The following SLC44A5 variants were observed in gnomAD, a reference collection of about 807,000 sequenced individuals.
SLC44A5 encodes the protein choline transporter-like protein 5.
SLC44A5 carries 57 observed loss-of-function variants against 101.8 expected under a neutral mutation model. That is an observed-to-expected ratio of 0.56 (90% CI 0.45 to 0.70). The LOEUF (loss-of-function observed/expected upper bound fraction) is 0.70, where lower values mean the gene tolerates loss of function less well. SLC44A5 is among the 30% of genes least tolerant of loss of function. The pLI is 0.00. For synonymous variants in SLC44A5, 281 were observed against 290.9 expected (o/e 0.97, Z 0.35); for missense variants, 737 against 853.1 (o/e 0.86, Z 1.70).
intron 2 of SLC44A5, among the ~76,000 whole-genome samples, chr1:75,497,746 T>C (rs950159654): frequency 2.6e-5 from 4 of 152,110 alleles, no homozygotes; most frequent in African/African-American, 9.7e-5. Flanking sequence ...AACAATACAT[T>C]GTGTACCTTA....
intron 13 of SLC44A5, 144 bp downstream of exon 13, chr1:75,227,582 G>A: frequency 1.8e-6 from 1 of 549,070 alleles, no homozygotes; most frequent in Non-Finnish European, 2.9e-6. Flanking sequence ...ACTTACTGTA[G>A]TTAGAGGATT....
chr1:75,625,117 C>G, the SLC44A5 span, among the ~76,000 whole-genome samples: 9 of 152,122 alleles, frequency 5.9e-5, no homozygotes, highest in Admixed American at 5.9e-4. Context: ...ACTTACTTGT[C>G]TCCCACACAC....
intron 7 of SLC44A5, among the ~76,000 whole-genome samples, chr1:75,243,287 C>T (rs2100611153): frequency 6.6e-6 from 1 of 152,062 alleles, no homozygotes; most frequent in African/African-American, 2.4e-5. Context: ...CAGGCAAACA[C>T]CACCATGCCC....
chr1:75,250,193 C>T (rs76185041), intron 7 of SLC44A5, among the ~76,000 whole-genome samples: 12,645 of 152,052 alleles, frequency 0.083, 685 homozygotes, highest in Middle Eastern at 0.15. Context: ...TGTTGTTCCC[C>T]TCTTTGTGTC....
chr1:75,689,646 T>G, the SLC44A5 span, among the ~76,000 whole-genome samples: 6 of 152,194 alleles, frequency 3.9e-5, no homozygotes, highest in Admixed American at 3.3e-4. Context: ...TGTTCTTATA[T>G]TAACATTTCA....
intron 2 of SLC44A5, among the ~76,000 whole-genome samples, chr1:75,409,964 T>G (rs1409491689): frequency 6.6e-6 from 1 of 152,158 alleles, no homozygotes; most frequent in East Asian, 1.9e-4. Context: ...AGCATACATT[T>G]TCCAGGATTC....
At chr1:75,408,047 G>T (rs1355965208) in intron 2 of SLC44A5, among the ~76,000 whole-genome samples, 2 of 152,172 alleles carry the variant, frequency 1.3e-5, no homozygotes, top group Non-Finnish European at 2.9e-5. Context: ...CAAAAAGTGG[G>T]TGAAGGATAT....
chr1:75,562,822 G>A (rs1302779678), intron 1 of SLC44A5, among the ~76,000 whole-genome samples: 1 of 151,992 alleles, frequency 6.6e-6, no homozygotes, highest in Non-Finnish European at 1.5e-5. Flanking sequence ...TTTCTTAGTG[G>A]TCTATTATTT....
At chr1:75,562,593 G>C (rs1293189608) in intron 1 of SLC44A5, among the ~76,000 whole-genome samples, 3 of 152,074 alleles carry the variant, frequency 2.0e-5, no homozygotes, top group African/African-American at 4.8e-5. Context: ...AGCTACTCGG[G>C]GGGAGGATTG....
At chr1:75,594,961 T>C (rs1674554067) in intron 1 of SLC44A5, among the ~76,000 whole-genome samples, 2 of 152,040 alleles carry the variant, frequency 1.3e-5, no homozygotes, top group Non-Finnish European at 2.9e-5. Context: ...AAACAAATTA[T>C]AAATTCATTT....
the SLC44A5 span, among the ~76,000 whole-genome samples, chr1:75,616,252 C>G: frequency 2.6e-5 from 4 of 152,078 alleles, no homozygotes; most frequent in African/African-American, 9.7e-5. Flanking sequence ...CCCCCACGCC[C>G]CCACCCCCGG....
Position 75,477,707 on chromosome 1 carries a change from G to A in SLC44A5, c.13+63728C>T, listed in dbSNP as rs547609278. On this transcript the variant is annotated intron_variant, in intron 2 of 23. Transcript: ENST00000370859. The stretch of plus-strand genomic sequence containing the variant: ...CGAGAAGGGAAGTTTAGAGAAAAGA[G>A]AATAAAAAGAAACGAACAAAGCCTC... Among the ~76,000 whole-genome samples, 4 of 152,226 alleles carry A rather than the reference G, an allele frequency of 2.6e-5. No individual in the cohort carries two copies. The South Asian group carries it at 8.3e-4, about 32-fold the overall frequency.
the SLC44A5 span, among the ~76,000 whole-genome samples, chr1:75,701,536 C>T: frequency 6.6e-5 from 10 of 152,084 alleles, no homozygotes; most frequent in South Asian, 2.1e-4. Context: ...TATGACAAAC[C>T]CACAGCCAAT....
intron 1 of SLC44A5, among the ~76,000 whole-genome samples, chr1:75,609,831 A>T (rs1486020424): frequency 6.6e-6 from 1 of 152,096 alleles, no homozygotes; most frequent in Non-Finnish European, 1.5e-5. Context: ...TCATGATCTA[A>T]TGTTATGTAA....
Position 75,487,149 on chromosome 1 carries a change from C to T in SLC44A5, c.13+54286G>A, listed in dbSNP as rs180780883. 2.4e-4 allele frequency among the ~76,000 whole-genome samples: 37 copies of T among 152,144 alleles called. No individual in the cohort carries two copies. The East Asian group carries it at 7.0e-3, about 29-fold the overall frequency. On this transcript the variant is annotated intron_variant, in intron 2 of 23. Coordinates refer to ENST00000370859, the MANE Select transcript of SLC44A5 (RefSeq NM_001130058.2). ...TAGTATCTATTATGTGTCCTTGCTC[C>T]TATGGAGTTTTCAGTCTCTGAGAGA...
intron 6 of SLC44A5, among the ~76,000 whole-genome samples, chr1:75,251,780 T>C (rs1223177693): frequency 6.6e-6 from 1 of 152,216 alleles, no homozygotes; most frequent in Non-Finnish European, 1.5e-5. Context: ...TATACATTAC[T>C]TTGGTAATCT....
the SLC44A5 span, among the ~76,000 whole-genome samples, chr1:75,647,307 C>T: frequency 2.6e-5 from 4 of 152,308 alleles, no homozygotes; most frequent in South Asian, 8.3e-4. Context: ...GGAACCTCCA[C>T]CTAAATTTCA....
chr1:75,378,857 C>T (rs374871063), intron 3 of SLC44A5, among the ~76,000 whole-genome samples: 3,255 of 61,448 alleles, frequency 0.053, 122 homozygotes, highest in South Asian at 0.1. Context: ...ACTTCAGTAT[C>T]GGCCACCCCC....
At chr1:75,262,913 A>G (rs12131345) in intron 6 of SLC44A5, among the ~76,000 whole-genome samples, 5,809 of 152,334 alleles carry the variant, frequency 0.038, 151 homozygotes, top group Middle Eastern at 0.099. Flanking sequence ...TGGTGTTGGG[A>G]AAACTGGCTA....
Sources: gnomAD v4.1 joint callset for allele counts (sites outside exome capture counted in the v4.1 genomes callset) on GRCh38, gnomAD v4.1.1 for gene constraint, MANE v1.5 for transcripts, NCBI Gene and HGNC (gene_info 2026-07-23, HGNC 2026-07-21) for gene names.